ATP2C1: variants seen among roughly 807,000 people sequenced by gnomAD.
ATP2C1 encodes the protein ATPase secretory pathway Ca2+ transporting 1, also known as calcium-transporting ATPase type 2C member 1.
ATP2C1 carries 31 observed loss-of-function variants against 120.5 expected under a neutral mutation model. That is an observed-to-expected ratio of 0.26 (90% CI 0.19 to 0.35). ATP2C1 has a LOEUF of 0.35. Among genes scored for constraint, ATP2C1 ranks in the 10% least tolerant of loss-of-function variants. The pLI is 1.00. For synonymous variants in ATP2C1, 351 were observed against 358.7 expected, an observed-to-expected ratio of 0.98 and a Z score of 0.24; for missense variants, 731 against 1,107.5, an observed-to-expected ratio of 0.66 and a Z score of 4.83.
intron 24 of ATP2C1, among the ~76,000 whole-genome samples, 184 bp from the exon 25 acceptor site, chr3:130,997,422 G>A (rs1183032644): frequency 6.6e-6 from 1 of 152,146 alleles, no homozygotes; most frequent in African/African-American, 2.4e-5. Context: ...CAAATAAAGA[G>A]GAGAGAAAAA....
At chr3:130,932,309 T>G (rs925219869) in intron 4 of ATP2C1, among the ~76,000 whole-genome samples, 171 bp downstream of exon 4, 4 of 152,056 alleles carry the variant, frequency 2.6e-5, no homozygotes, top group Non-Finnish European at 4.4e-5. Flanking sequence ...GGAATTCCTG[T>G]ATTTTTAGTA....
At chr3:130,977,294 C>A (rs1031231276) in intron 18 of ATP2C1, among the ~76,000 whole-genome samples, 1 of 152,140 alleles carries the variant, frequency 6.6e-6, no homozygotes, top group Non-Finnish European at 1.5e-5. Context: ...TTTACTTTTG[C>A]TAAGTTGCAC....
chr3:130,953,770 A>T (rs1296195616), intron 8 of ATP2C1, 51 bp from the exon 9 acceptor site: 2 of 1,587,988 alleles, frequency 1.3e-6, no homozygotes, highest in South Asian at 2.2e-5. Flanking sequence ...AACTCTAGAG[A>T]TGTTAAATGT....
intron 2 of ATP2C1, among the ~76,000 whole-genome samples, chr3:130,902,297 GTTTTTTTTT>G (rs398052267): frequency 6.0e-4 from 8 of 13,254 alleles, no homozygotes; most frequent in South Asian, 6.8e-3. Flanking sequence ...TTTTTTTTTT[GTTTTTTTTT>G]TTTTTTTTTT....
At chr3:130,948,051 T>A (rs1431037477) in intron 8 of ATP2C1, among the ~76,000 whole-genome samples, 2 of 152,180 alleles carry the variant, frequency 1.3e-5, no homozygotes, top group African/African-American at 4.8e-5. Context: ...TTTTATGCAT[T>A]TATAAGTTTA....
intron 1 of ATP2C1, among the ~76,000 whole-genome samples, chr3:130,871,743 CA>C (rs1467182183): frequency 6.6e-6 from 1 of 152,130 alleles, no homozygotes; most frequent in East Asian, 1.9e-4. Flanking sequence ...ATCTTTAGGC[CA>C]GGGGCGGTGG....
intron 8 of ATP2C1, among the ~76,000 whole-genome samples, chr3:130,946,267 C>T (rs542565110): frequency 1.6e-4 from 25 of 152,330 alleles, no homozygotes; most frequent in African/African-American, 5.5e-4. Flanking sequence ...GGAATTCAAA[C>T]TTAAGAACAC....
Position 130,996,855 on chromosome 3 carries a change from TTA to T in ATP2C1, c.2243+60_2243+61del, listed in dbSNP as rs776334449. 8.4e-6 allele frequency: 10 copies of T among 1,190,370 alleles called. No individual in the cohort carries two copies. The South Asian group carries it at 9.7e-5, about 12-fold the overall frequency. The allele number at this position is 1,190,370 out of a possible 1,614,324, so 73.7% of individuals were successfully genotyped here. On this transcript the variant is annotated intron_variant, in intron 24 of 27. Transcript: ENST00000510168. ...CAAGGAATGTGTACTACCCTGATAA[TTA>T]AGTTTTAAAACTTGATTTATGGACA...
At chr3:131,015,486 A>AGTG (rs2063575714) in intron 26 of ATP2C1, among the ~76,000 whole-genome samples, 1 of 152,218 alleles carries the variant, frequency 6.6e-6, no homozygotes, top group African/African-American at 2.4e-5. Flanking sequence ...TAAACTCCAC[A>AGTG]GACAAACATT....
rs142641883 is a variant in ATP2C1, at chr3:130,979,368, G to A, written c.1690G>A (p.Val564Ile). The A allele has an allele frequency of 2.4e-5, 38 of 1,613,548 alleles. No individual in the cohort carries two copies. In the African/African-American group the frequency reaches 4.3e-4, roughly 18 times the overall value. The change falls in exon 19 of 28, where the codon GTA becomes ATA. Residue 564 changes from valine (V) to isoleucine (I), a missense_variant. Around this residue, in one of 3 missense-constraint regions of ATP2C1, gnomAD observed 571 missense variants for 845.9 expected, o/e 0.67. Coordinates refer to ENST00000510168, the MANE Select transcript of ATP2C1 (RefSeq NM_001378687.1). ...TGTTACAACACTCATTGCCTCAGGA[G>A]TATCAATAAAAATGATTACTGGAGA... ...EAVTTLIASG[V>I]SIKMITGDSQ...
intron 2 of ATP2C1, among the ~76,000 whole-genome samples, chr3:130,919,328 G>A (rs2058843314): frequency 6.6e-6 from 1 of 151,536 alleles, no homozygotes; most frequent in South Asian, 2.1e-4. Context: ...AGGTTCAAGC[G>A]ATTCTCCTGC....
chr3:130,932,310 A>AT (rs2059484404), intron 4 of ATP2C1, among the ~76,000 whole-genome samples, 172 bp downstream of exon 4: 1 of 152,002 alleles, frequency 6.6e-6, no homozygotes, highest in South Asian at 2.1e-4. Flanking sequence ...GAATTCCTGT[A>AT]TTTTTAGTAT....
intron 1 of ATP2C1, chr3:130,868,308 T>C (rs1467554563): frequency 1.5e-3 from 156 of 104,998 alleles, no homozygotes; most frequent in Middle Eastern, 7.4e-3. Context: ...CTCCTCTGCC[T>C]GGCCGCCCCT....
At chr3:130,867,083 C>T (rs568119489) in intron 1 of ATP2C1, among the ~76,000 whole-genome samples, 63 of 152,220 alleles carry the variant, frequency 4.1e-4, no homozygotes, top group African/African-American at 1.3e-3. Context: ...GAATCATGCC[C>T]GCATTAGACA....
intron 8 of ATP2C1, among the ~76,000 whole-genome samples, chr3:130,946,409 AAGG>A (rs1353529467): frequency 6.6e-6 from 1 of 152,176 alleles, no homozygotes; most frequent in Non-Finnish European, 1.5e-5. Context: ...CCCTAGTTCT[AAGG>A]AGAAGTAAAA....
chr3:131,009,682 C>T (rs531261845), intron 26 of ATP2C1, among the ~76,000 whole-genome samples: 27 of 152,296 alleles, frequency 1.8e-4, no homozygotes, highest in Non-Finnish European at 2.5e-4. Context: ...GTATTACTCA[C>T]ACCTCTGGAA....
chr3:130,993,665 G>T (rs2062460326), intron 21 of ATP2C1, among the ~76,000 whole-genome samples: 1 of 152,196 alleles, frequency 6.6e-6, no homozygotes. Flanking sequence ...AGACACAATT[G>T]CCCCTGGTTG....
At chr3:130,977,470 T>C (rs2061575451) in intron 18 of ATP2C1, among the ~76,000 whole-genome samples, 1 of 152,196 alleles carries the variant, frequency 6.6e-6, no homozygotes, top group Non-Finnish European at 1.5e-5. Flanking sequence ...GGCAGAGTCT[T>C]GCTACTCTTA....
At chr3:130,896,426 G>T (rs994861514) in intron 2 of ATP2C1, among the ~76,000 whole-genome samples, 4 of 152,042 alleles carry the variant, frequency 2.6e-5, no homozygotes, top group African/African-American at 9.7e-5. Context: ...TTTCTGTCCC[G>T]TTATTCTTGA....
Sources: allele counts gnomAD v4.1 joint callset (sites outside exome capture counted in the v4.1 genomes callset), GRCh38; gene constraint gnomAD v4.1.1; regional missense constraint gnomAD v4.1.1; transcripts MANE v1.5; gene names NCBI Gene and HGNC (gene_info 2026-07-23, HGNC 2026-07-21).